COQ8B: variants seen among roughly 807,000 people sequenced by gnomAD.
COQ8B encodes the protein coenzyme Q8B.
In COQ8B, 44 loss-of-function variants were observed where a neutral mutation model predicts 62.0. That is an observed-to-expected ratio of 0.71 (90% CI 0.56 to 0.91). The LOEUF (loss-of-function observed/expected upper bound fraction) is 0.91, where lower values mean the gene tolerates loss of function less well. COQ8B is among the 40% of genes least tolerant of loss of function. The pLI, the probability that COQ8B is intolerant of heterozygous loss-of-function variation, is 0.00. For missense variants in COQ8B, 649 were observed against 731.6 expected (o/e 0.89, Z 1.30); for synonymous variants, 252 against 289.9 (o/e 0.87, Z 1.33).
chr19:40,697,851 T>TATAGAGAGAGAGAG (rs1446181673), intron 12 of COQ8B, among the ~76,000 whole-genome samples: 6 of 54,728 alleles, frequency 1.1e-4, no homozygotes, highest in African/African-American at 3.9e-4. Context: ...TATATATATA[T>TATAGAGAGAGAGAG]AGAGAGAGAG....
At position 40,692,318 on chromosome 19, in the gene COQ8B, G is replaced by A. The variant is rs759349841; in HGVS notation, c.1352C>T (p.Thr451Ile). Residue 451 changes from threonine (T) to isoleucine (I), a missense_variant, in exon 15 of 15, where the codon ACC (threonine) becomes ATC (isoleucine). Coordinates refer to ENST00000324464, the MANE Select transcript of COQ8B (RefSeq NM_024876.4). ...CGACCCAAAGTCATAAGGGCCCTGG[G>A]TGGCGAAAGGCTCCCCCAGGATCAT... ...AVMILGEPFA[T>I]QGPYDFGSGE... 1 of 1,613,780 alleles carries A rather than the reference G, an allele frequency of 6.2e-7. No individual in the cohort carries two copies. The highest frequency in any genetic ancestry group is 8.5e-7 in the Non-Finnish European group (1 of 1,179,856).
chr19:40,703,523 AGTGG>A lies in COQ8B; in HGVS notation c.799+14_799+17del. 1 of 1,589,146 alleles carries A rather than the reference AGTGG, an allele frequency of 6.3e-7. No homozygotes were observed. The highest frequency in any genetic ancestry group is 8.6e-7 in the Non-Finnish European group (1 of 1,166,068). On this transcript the variant is annotated intron_variant, in intron 9 of 14. Transcript: ENST00000324464. ...AGCCCCTTTGGGAGGTCAGCAGAGG[AGTGG>A]GTGGGCGCCTCACCCGCGGGCAGGG...
At chr19:40,694,860 C>G (rs1485331232) in intron 13 of COQ8B, among the ~76,000 whole-genome samples, 1 of 152,152 alleles carries the variant, frequency 6.6e-6, no homozygotes, top group Non-Finnish European at 1.5e-5. Context: ...CCTCTGGGCT[C>G]ACAGTGCCCT....
intron 6 of COQ8B, 68 bp downstream of exon 6, chr19:40,705,257 G>C: frequency 1.3e-6 from 2 of 1,591,506 alleles, no homozygotes; most frequent in Non-Finnish European, 1.7e-6. Context: ...CTGAAGTTGG[G>C]GCCTGTTGGT....
intron 12 of COQ8B, among the ~76,000 whole-genome samples, chr19:40,698,834 T>C (rs973257181): frequency 6.6e-6 from 1 of 152,114 alleles, no homozygotes. Flanking sequence ...TAGACCACTT[T>C]GGAAAACAGT....
Position 40,691,697 on chromosome 19 carries a change from A to G in COQ8B, c.*338T>C, listed in dbSNP as rs1035692390. 85 of 196,750 alleles carry G rather than the reference A, an allele frequency of 4.3e-4. No individual in the cohort carries two copies. Among genetic ancestry groups the G allele is most frequent in the Non-Finnish European group, 3.6e-4 (35 of 97,408 alleles). 12.2% of individuals were successfully genotyped at this position (196,750 alleles called of 1,614,324 possible). On this transcript the variant is annotated 3_prime_UTR_variant, in exon 15 of 15. Coordinates refer to ENST00000324464, the MANE Select transcript of COQ8B (RefSeq NM_024876.4). ...CCAGGACCATCTCGCCTTCCACGGGAGGCTTGAGGCAGAGGTGAGGGCTCC... is the reference window on the plus strand; with the variant it reads ...CCAGGACCATCTCGCCTTCCACGGGGGGCTTGAGGCAGAGGTGAGGGCTCC...
At chr19:40,695,964 G>A in intron 13 of COQ8B, 25 bp downstream of exon 13, 1 of 1,612,694 alleles carries the variant, frequency 6.2e-7, no homozygotes, top group South Asian at 1.1e-5. Flanking sequence ...CCTTTCAGAG[G>A]CCCTGGGGTC....
chr19:40,702,719 G>T, intron 9 of COQ8B, 26 bp from the exon 10 acceptor site: 2 of 1,601,088 alleles, frequency 1.2e-6, no homozygotes, highest in Non-Finnish European at 1.7e-6. Context: ...GTCAGCCAGG[G>T]AAGGGCCCCG....
chr19:40,702,817 A>G (rs991265552), intron 9 of COQ8B, 124 bp from the exon 10 acceptor site: 6 of 831,810 alleles, frequency 7.2e-6, no homozygotes, highest in East Asian at 2.7e-5. Context: ...TAGGCCTGTG[A>G]CCCACATCTG....
chr19:40,695,373 T>C (rs2082006837), intron 13 of COQ8B, among the ~76,000 whole-genome samples: 1 of 126,202 alleles, frequency 7.9e-6, no homozygotes, highest in Admixed American at 7.6e-5. Flanking sequence ...TTTAGATTGA[T>C]GGCTACATGA....
At chr19:40,705,073 G>A (rs763831232) in intron 7 of COQ8B, 23 bp downstream of exon 7, 46 of 1,581,560 alleles carry the variant, frequency 2.9e-5, no homozygotes, top group Admixed American at 5.4e-5. Flanking sequence ...CTCCCTCACC[G>A]CCCTCCCCCA....
At chr19:40,703,374 C>T (rs1339105140) in intron 9 of COQ8B, 167 bp downstream of exon 9, 2 of 684,858 alleles carry the variant, frequency 2.9e-6, no homozygotes, top group East Asian at 2.8e-5. Context: ...CACACCTGCT[C>T]ATGCTCCCTG....
chr19:40,704,932 C>T, intron 7 of COQ8B, 164 bp downstream of exon 7: 1 of 657,570 alleles, frequency 1.5e-6, no homozygotes, highest in East Asian at 2.9e-5. Context: ...CTGTTTTAAT[C>T]ACCACAGCAA....
intron 13 of COQ8B, among the ~76,000 whole-genome samples, chr19:40,693,667 C>T (rs780051786): frequency 6.6e-6 from 1 of 152,222 alleles, no homozygotes; most frequent in Non-Finnish European, 1.5e-5. Context: ...TGGGCCTCCA[C>T]TTTCTCATCT....
At chr19:40,700,560 T>A in intron 10 of COQ8B, 109 bp from the exon 11 acceptor site, 1 of 1,347,000 alleles carries the variant, frequency 7.4e-7, no homozygotes, top group Non-Finnish European at 1.0e-6. Context: ...GTCTGCGCCA[T>A]GCCCTCCCTC....
chr19:40,697,002 C>T (rs1376597930), intron 12 of COQ8B, among the ~76,000 whole-genome samples: 1 of 152,160 alleles, frequency 6.6e-6, no homozygotes, highest in Non-Finnish European at 1.5e-5. Context: ...GTAAGGACTT[C>T]GTTGCGTGAA....
In COQ8B at chr19:40,707,568, AC is replaced by A. The variant is rs1214756494; in HGVS notation, c.368-2122del. On this transcript the variant is annotated intron_variant, in intron 5 of 14. Transcript: ENST00000324464. The stretch of plus-strand genomic sequence containing the variant: ...CCGGTTCAAGCAATTCTCCTGCCTT[AC>A]CCCCCACCCAAGTAGCTGGGGTTAC... Among the ~76,000 whole-genome samples, 4 of 151,484 alleles carry A rather than the reference AC, an allele frequency of 2.6e-5. 1 individual carries two copies. The East Asian group carries it at 7.7e-4, about 29-fold the overall frequency.
intron 4 of COQ8B, among the ~76,000 whole-genome samples, chr19:40,710,926 G>A (rs2082136173): frequency 6.6e-6 from 1 of 152,130 alleles, no homozygotes; most frequent in Non-Finnish European, 1.5e-5. Flanking sequence ...GAAGTCAGGA[G>A]GTCGAGACCA....
At chr19:40,693,873 G>T (rs2604881) in intron 13 of COQ8B, among the ~76,000 whole-genome samples, 7,578 of 119,102 alleles carry the variant, frequency 0.064, 522 homozygotes, top group African/African-American at 0.23. Context: ...GAGTGGAACC[G>T]GGTCACACCA....
Sources: gnomAD v4.1 joint callset for allele counts (sites outside exome capture counted in the v4.1 genomes callset) on GRCh38, gnomAD v4.1.1 for gene constraint, MANE v1.5 for transcripts, NCBI Gene and HGNC (gene_info 2026-07-23, HGNC 2026-07-21) for gene names.